Variants in BLOC1S5 observed in about 807,000 individuals in gnomAD.
BLOC1S5 encodes biogenesis of lysosome-related organelles complex 1 subunit 5.
Under a neutral mutation model 24.3 loss-of-function variants are expected in BLOC1S5, and 27 were observed. The ratio of observed to expected loss-of-function variants is 1.11; its 90% CI spans 0.82 to 1.53. The LOEUF is 1.53. Among genes scored for constraint, BLOC1S5 ranks in the 40% most tolerant of loss-of-function variants. The pLI, the probability that BLOC1S5 is intolerant of heterozygous loss-of-function variation, is 0.00. For synonymous variants in BLOC1S5, 84 were observed against 74.5 expected (o/e 1.13, Z -0.66); for missense variants, 239 against 229.4 (o/e 1.04, Z -0.27).
chr6:8,058,027 C>G (rs551595293), intron 2 of BLOC1S5, among the ~76,000 whole-genome samples: 13 of 152,102 alleles, frequency 8.5e-5, no homozygotes, highest in Non-Finnish European at 1.5e-5. Flanking sequence ...GTAAACTTCA[C>G]GGAGGTAGGA....
At position 8,064,330 on chromosome 6, in the gene BLOC1S5, G is replaced by A. The variant is rs1331192055; in HGVS notation, c.47C>T (p.Pro16Leu). 2 of 1,613,042 alleles carry A rather than the reference G, an allele frequency of 1.2e-6. No homozygotes were observed. Among genetic ancestry groups the A allele is most frequent in the Non-Finnish European group, 1.7e-6 (2 of 1,179,838 alleles). ...GTCCCTCTTCTTGCTGCCACCGCCC[G>A]GGGCGGCCTCACAACCCACAGGGGT... Reference protein sequence around the residue: ...TETPVGCEAAPGGGSKKRDSL... With the variant: ...TETPVGCEAALGGGSKKRDSL... Residue 16 changes from proline (P) to leucine (L), a missense_variant, in exon 1 of 5, where the codon CCG becomes CTG. Pro to Leu is a moderately conservative substitution (Grantham distance 98). Coordinates refer to ENST00000397457, the MANE Select transcript of BLOC1S5 (RefSeq NM_201280.3).
intron 3 of BLOC1S5, among the ~76,000 whole-genome samples, chr6:8,030,865 C>A (rs201566330): frequency 6.1e-4 from 72 of 118,556 alleles, no homozygotes; most frequent in South Asian, 3.4e-3. Flanking sequence ...GACCAACAGT[C>A]AAAAAAAAAA....
chr6:8,049,828 C>G (rs1764044093), intron 2 of BLOC1S5, among the ~76,000 whole-genome samples: 1 of 152,068 alleles, frequency 6.6e-6, no homozygotes, highest in Admixed American at 6.5e-5. Flanking sequence ...CCTCCCGCCT[C>G]AGCCCCCAAG....
chr6:8,047,526 C>T (rs1223705047), intron 2 of BLOC1S5, among the ~76,000 whole-genome samples: 1 of 152,140 alleles, frequency 6.6e-6, no homozygotes, highest in African/African-American at 2.4e-5. Flanking sequence ...TTTGTTTGAA[C>T]CACAACCTAA....
chr6:8,062,347 T>A (rs572939964), intron 2 of BLOC1S5, among the ~76,000 whole-genome samples, 187 bp downstream of exon 2: 1 of 152,312 alleles, frequency 6.6e-6, no homozygotes, highest in South Asian at 2.1e-4. Context: ...AACTTATGTA[T>A]CCTGCTGTTT....
At chr6:8,046,213 T>C (rs892805596) in intron 2 of BLOC1S5, among the ~76,000 whole-genome samples, 1 of 152,204 alleles carries the variant, frequency 6.6e-6, no homozygotes, top group Non-Finnish European at 1.5e-5. Context: ...TGCTTCTTTC[T>C]CATTTTCACT....
At chr6:8,036,404 C>T (rs758235733) in intron 3 of BLOC1S5, among the ~76,000 whole-genome samples, 18 of 152,100 alleles carry the variant, frequency 1.2e-4, no homozygotes, top group Non-Finnish European at 2.4e-4. Context: ...AACAACTATA[C>T]GCCAACAAAT....
At position 8,057,699 on chromosome 6, in the gene BLOC1S5, G is replaced by A. The variant is rs578144110; in HGVS notation, c.195+4835C>T. On this transcript the variant is annotated intron_variant, in intron 2 of 4. Coordinates refer to ENST00000397457, the MANE Select transcript of BLOC1S5 (RefSeq NM_201280.3). ...TCAGGAGATCAAGTGAAATTCCTGT[G>A]CTGCCTTTGGAGGAATTTTCTCTTG... Among the ~76,000 whole-genome samples, 264 of 152,306 alleles carry A rather than the reference G, an allele frequency of 1.7e-3. 1 individual carries two copies. The highest frequency in any genetic ancestry group is 6.1e-3 in the African/African-American group (252 of 41,558).
intron 3 of BLOC1S5, among the ~76,000 whole-genome samples, chr6:8,033,287 C>A (rs1415803438): frequency 1.3e-5 from 2 of 152,080 alleles, no homozygotes; most frequent in Admixed American, 6.5e-5. Context: ...GATATACAGA[C>A]CAATGGAACA....
chr6:8,039,231 A>T (rs1763600390), intron 3 of BLOC1S5, among the ~76,000 whole-genome samples: 1 of 152,226 alleles, frequency 6.6e-6, no homozygotes, highest in Admixed American at 6.5e-5. Context: ...TGTGAGAGCT[A>T]AAGAAATGGA....
intron 2 of BLOC1S5, among the ~76,000 whole-genome samples, chr6:8,047,160 T>TCTCTCTCACACA (rs1475934039): frequency 6.3e-5 from 8 of 126,922 alleles, no homozygotes; most frequent in African/African-American, 2.5e-4. Context: ...TCTCTCTCTC[T>TCTCTCTCACACA]CACACACACA....
At position 8,034,437 on chromosome 6, in the gene BLOC1S5, T is replaced by G. The variant is rs911763474; in HGVS notation, c.325+6702A>C. ...AGGTGGGAATTGACAATGAGCCCCCTTGGACACAGGGCAGGGAACATCACA... is the reference window on the plus strand; with the variant it reads ...AGGTGGGAATTGACAATGAGCCCCCGTGGACACAGGGCAGGGAACATCACA... On this transcript the variant is annotated intron_variant, in intron 3 of 4. Transcript: ENST00000397457. 7.2e-5 allele frequency among the ~76,000 whole-genome samples: 11 copies of G among 152,126 alleles called. No individual in the cohort carries two copies. The South Asian group carries it at 2.3e-3, about 32-fold the overall frequency.
chr6:8,043,783 T>C (rs181024967), intron 2 of BLOC1S5, among the ~76,000 whole-genome samples: 17 of 152,338 alleles, frequency 1.1e-4, no homozygotes, highest in African/African-American at 3.4e-4. Flanking sequence ...TGATATGGTT[T>C]GGCTGTGTCC....
intron 3 of BLOC1S5, 84 bp from the exon 4 acceptor site, chr6:8,026,509 T>C (rs535026703): frequency 1.1e-5 from 12 of 1,092,362 alleles, no homozygotes; most frequent in Admixed American, 2.0e-5. Context: ...GTGTGGAGAG[T>C]ACATGAATTG....
intron 3 of BLOC1S5, among the ~76,000 whole-genome samples, chr6:8,034,422 T>C (rs1238618527): frequency 6.6e-6 from 1 of 152,126 alleles, no homozygotes; most frequent in Non-Finnish European, 1.5e-5. Context: ...AGGTGGGAAT[T>C]GACAATGAGC....
chr6:8,044,748 C>A (rs527444817), intron 2 of BLOC1S5, among the ~76,000 whole-genome samples: 2 of 152,010 alleles, frequency 1.3e-5, no homozygotes, highest in African/African-American at 2.4e-5. Context: ...TTTTTCCTTG[C>A]GCTAGAGATC....
At position 8,061,311 on chromosome 6, in the gene BLOC1S5, G is replaced by A. The variant is rs138555001; in HGVS notation, c.195+1223C>T. Reference sequence around the variant, plus strand: ...GACTTAAAAATTTTTTTTAAATGATGACGATGTGGTATAATCAGATTGTGG... The same window carrying A: ...GACTTAAAAATTTTTTTTAAATGATAACGATGTGGTATAATCAGATTGTGG... On this transcript the variant is annotated intron_variant, in intron 2 of 4. Transcript: ENST00000397457. Among the ~76,000 whole-genome samples, 772 of 152,138 alleles carry A rather than the reference G, an allele frequency of 5.1e-3. 6 individuals carry two copies. The highest frequency in any genetic ancestry group is 5.7e-3 in the Non-Finnish European group (385 of 68,010).
intron 2 of BLOC1S5, among the ~76,000 whole-genome samples, chr6:8,042,133 TA>T (rs947755226): frequency 2.6e-5 from 4 of 152,178 alleles, no homozygotes; most frequent in African/African-American, 7.2e-5. Context: ...ATAGCAATGT[TA>T]AAAAATTGGC....
At chr6:8,041,420 C>G in intron 2 of BLOC1S5, 152 bp from the exon 3 acceptor site, 3 of 688,642 alleles carry the variant, frequency 4.4e-6, no homozygotes, top group Non-Finnish European at 4.4e-6. Context: ...TCAAGTGAGT[C>G]TCCTGCCTCA....
Sources: gnomAD v4.1 joint callset for allele counts (sites outside exome capture counted in the v4.1 genomes callset) on GRCh38, gnomAD v4.1.1 for gene constraint, MANE v1.5 for transcripts, NCBI Gene and HGNC (gene_info 2026-07-23, HGNC 2026-07-21) for gene names.